The following FNDC3B variants were observed in gnomAD, a reference collection of about 807,000 sequenced individuals.
FNDC3B encodes the protein fibronectin type III domain-containing protein 3B.
Under a neutral mutation model 151.5 loss-of-function variants are expected in FNDC3B, and 12 were observed. That is an observed-to-expected ratio of 0.08 (90% CI 0.05 to 0.13). The LOEUF (loss-of-function observed/expected upper bound fraction) is 0.13. Ranked by LOEUF, FNDC3B falls within the 10% of genes least tolerant of loss-of-function variation. The pLI, the probability that FNDC3B is intolerant of heterozygous loss-of-function variation, is 1.00. For synonymous variants in FNDC3B, 528 were observed against 549.0 expected, an observed-to-expected ratio of 0.96 and a Z score of 0.54; for missense variants, 1,214 against 1,505.3, an observed-to-expected ratio of 0.81 and a Z score of 3.20.
In FNDC3B at chr3:172,141,573, C is replaced by T. The variant is rs548270145; in HGVS notation, c.187+8027C>T. ...ACTTCTGGCTGGGCATAGTGGCTCA[C>T]GCCTGTAATCCCGACACTTTGGGAG... On this transcript the variant is annotated intron_variant, in intron 3 of 25. Transcript: ENST00000415807. Among the ~76,000 whole-genome samples, 96 of 152,328 alleles carry T rather than the reference C, an allele frequency of 6.3e-4. 1 individual carries two copies. The highest frequency in any genetic ancestry group is 4.9e-3 in the Admixed American group (75 of 15,300).
At chr3:172,140,688 A>G (rs188883889) in intron 3 of FNDC3B, among the ~76,000 whole-genome samples, 9 of 152,276 alleles carry the variant, frequency 5.9e-5, no homozygotes, top group African/African-American at 2.2e-4. Flanking sequence ...TGTACGTGCA[A>G]CTGTCATCTT....
chr3:172,056,143 C>G (rs992370476), intron 1 of FNDC3B, among the ~76,000 whole-genome samples: 1 of 152,124 alleles, frequency 6.6e-6, no homozygotes, highest in South Asian at 2.1e-4. Context: ...ACTGAGTCAT[C>G]GGTGAGTCCA....
intron 1 of FNDC3B, among the ~76,000 whole-genome samples, chr3:172,110,411 G>A (rs1268967973): frequency 6.6e-6 from 1 of 152,006 alleles, no homozygotes; most frequent in East Asian, 1.9e-4. Flanking sequence ...CCCAAAGCAG[G>A]TCCTAAGGAC....
At chr3:172,264,725 A>T (rs1728829367) in intron 6 of FNDC3B, among the ~76,000 whole-genome samples, 1 of 152,228 alleles carries the variant, frequency 6.6e-6, no homozygotes, top group Non-Finnish European at 1.5e-5. Flanking sequence ...CATGAGAAGG[A>T]TGTTTTTAAT....
chr3:172,388,931 A>G (rs1735867497), intron 25 of FNDC3B, among the ~76,000 whole-genome samples: 1 of 152,214 alleles, frequency 6.6e-6, no homozygotes, highest in South Asian at 2.1e-4. Flanking sequence ...GGAGGTTGCT[A>G]CATGTTATCC....
chr3:172,269,119 C>T (rs1176352973), intron 6 of FNDC3B, among the ~76,000 whole-genome samples: 2 of 152,154 alleles, frequency 1.3e-5, no homozygotes, highest in South Asian at 2.1e-4. Context: ...CTGTCTAGAA[C>T]GTTACAGTCT....
chr3:172,325,628 G>A (rs1007777873), intron 11 of FNDC3B, among the ~76,000 whole-genome samples: 18 of 152,164 alleles, frequency 1.2e-4, no homozygotes, highest in African/African-American at 3.9e-4. Flanking sequence ...CTTTGAACAC[G>A]GACTTACTCT....
chr3:172,215,136 T>C (rs992555603), intron 3 of FNDC3B, among the ~76,000 whole-genome samples: 1 of 152,216 alleles, frequency 6.6e-6, no homozygotes, highest in Non-Finnish European at 1.5e-5. Context: ...ATTTGCAAAA[T>C]TGCCCTGCCA....
Position 172,261,814 on chromosome 3 carries a change from T to TCTGGTG in FNDC3B, c.790+10276_790+10277insGTGCTG, listed in dbSNP as rs552839588. Among the ~76,000 whole-genome samples, 460 of 152,330 alleles carry TCTGGTG rather than the reference T, an allele frequency of 3.0e-3. 4 individuals carry two copies. Among genetic ancestry groups the TCTGGTG allele is most frequent in the African/African-American group, 0.011 (446 of 41,574 alleles). On this transcript the variant is annotated intron_variant, in intron 6 of 25. Coordinates refer to ENST00000415807, the MANE Select transcript of FNDC3B (RefSeq NM_022763.4). ...TGACTATAACATTTCCTCATTTTTC[T>TCTGGTG]CTGAATTTGCTTTTTAAAAAACTCT...
intron 11 of FNDC3B, among the ~76,000 whole-genome samples, chr3:172,311,225 A>G (rs1230411889): frequency 6.6e-6 from 1 of 152,204 alleles, no homozygotes; most frequent in Non-Finnish European, 1.5e-5. Flanking sequence ...TGATTTTGAT[A>G]AGGTAAAACA....
At chr3:172,151,773 A>G (rs971290631) in intron 3 of FNDC3B, among the ~76,000 whole-genome samples, 2 of 152,228 alleles carry the variant, frequency 1.3e-5, no homozygotes, top group African/African-American at 4.8e-5. Context: ...AGTGAAACAT[A>G]TAACAGGTCC....
Position 172,307,374 on chromosome 3 carries a change from T to A in FNDC3B, c.1073T>A (p.Met358Lys). The A allele has an allele frequency of 6.2e-7, 1 of 1,614,148 alleles. No individual in the cohort carries two copies. The highest frequency in any genetic ancestry group is 8.5e-7 in the Non-Finnish European group (1 of 1,180,012). Residue 358 changes from methionine (M) to lysine (K), a missense_variant, in exon 10 of 26, where the codon ATG (methionine) becomes AAG (lysine). By Grantham distance (95) the Met-to-Lys change is moderately conservative (BLOSUM62 -1). This residue lies in a region of FNDC3B where 156 missense variants were observed against 225.3 expected (regional missense o/e 0.69). Transcript: ENST00000415807. ...TGTTTTGTTTTCAGGGTGTATGCCA[T>A]GTACAATTCCGTAAAGGGATCCTGC... is the stretch of plus-strand genomic sequence containing the variant. ...ATDYHVRVYA[M>K]YNSVKGSCSE...
At chr3:172,193,180 T>G (rs28731496) in intron 3 of FNDC3B, among the ~76,000 whole-genome samples, 1 of 38,432 alleles carries the variant, frequency 2.6e-5, no homozygotes, top group Non-Finnish European at 4.7e-5. Flanking sequence ...TTCCCGCCCT[T>G]CCTCTCCCTC....
chr3:172,322,020 A>G (rs1732110094), intron 11 of FNDC3B, among the ~76,000 whole-genome samples: 1 of 152,266 alleles, frequency 6.6e-6, no homozygotes, highest in Non-Finnish European at 1.5e-5. Context: ...ATAAACGTAT[A>G]TAGACTTCAA....
chr3:172,138,174 T>G (rs1216629643), intron 3 of FNDC3B, among the ~76,000 whole-genome samples: 1 of 152,226 alleles, frequency 6.6e-6, no homozygotes, highest in Admixed American at 6.5e-5. Flanking sequence ...TGCCTGACTT[T>G]TCCCTGAATT....
At chr3:172,337,201 T>C in intron 15 of FNDC3B, 129 bp from the exon 16 acceptor site, 1 of 562,546 alleles carries the variant, frequency 1.8e-6, no homozygotes, top group Non-Finnish European at 3.1e-6. Flanking sequence ...TGAAATAAAT[T>C]ATTTTGCCTT....
chr3:172,112,428 T>A, intron 1 of FNDC3B, 24 bp from the exon 2 acceptor site: 1 of 1,323,692 alleles, frequency 7.6e-7, no homozygotes, highest in South Asian at 1.2e-5. Flanking sequence ...GAGTCCTTTT[T>A]AAAAAGCGGC....
chr3:172,193,743 T>C (rs1242071153), intron 3 of FNDC3B, among the ~76,000 whole-genome samples: 1 of 152,094 alleles, frequency 6.6e-6, no homozygotes, highest in East Asian at 1.9e-4. Context: ...TCTAGAAATG[T>C]GCCCTTGTGA....
At chr3:172,070,381 G>T (rs1261409845) in intron 1 of FNDC3B, among the ~76,000 whole-genome samples, 1 of 152,164 alleles carries the variant, frequency 6.6e-6, no homozygotes, top group Non-Finnish European at 1.5e-5. Flanking sequence ...TATTTCCGGA[G>T]TGTGTTAGCC....
Sources: gnomAD v4.1 joint callset for allele counts (sites outside exome capture counted in the v4.1 genomes callset) on GRCh38, gnomAD v4.1.1 for gene constraint, gnomAD v4.1.1 regional missense constraint, MANE v1.5 for transcripts, NCBI Gene and HGNC (gene_info 2026-07-23, HGNC 2026-07-21) for gene names.